PGAP1: variants seen among roughly 807,000 people sequenced by gnomAD.
PGAP1 encodes GPI inositol-deacylase.
PGAP1 carries 76 observed loss-of-function variants against 127.0 expected under a neutral mutation model. The observed-to-expected ratio is 0.60, with a 90% confidence interval of 0.50 to 0.72. PGAP1 has a LOEUF of 0.72. Among genes scored for constraint, PGAP1 ranks in the 30% least tolerant of loss-of-function variants. PGAP1 has a pLI of 0.00. For synonymous variants in PGAP1, 362 were observed against 366.5 expected, an observed-to-expected ratio of 0.99 and a Z score of 0.14; for missense variants, 982 against 1,071.3, an observed-to-expected ratio of 0.92 and a Z score of 1.16.
chr2:196,843,896 CT>C lies in PGAP1; in HGVS notation c.2516del (p.Lys839ArgfsTer36). The C allele has an allele frequency of 6.6e-7, 1 of 1,518,078 alleles. No homozygotes were observed. Among genetic ancestry groups the C allele is most frequent in the Non-Finnish European group, 8.9e-7 (1 of 1,123,032 alleles). 94.0% of individuals were successfully genotyped at this position (1,518,078 alleles called of 1,614,324 possible). On this transcript the variant is annotated frameshift_variant, in exon 25 of 27. Transcript: ENST00000354764. LOFTEE classifies it high-confidence loss of function. ...ATATCAATAAAACGCACCTAAGATTCTTTAGCCAATAAATTAGAGAAGGCAT... is the reference window on the plus strand; with the variant it reads ...ATATCAATAAAACGCACCTAAGATTCTTAGCCAATAAATTAGAGAAGGCAT... ...LSMPSLIYWL[K>X]NLRYYFKLNP...
chr2:196,854,089 G>A (rs1700800167), intron 20 of PGAP1, among the ~76,000 whole-genome samples: 1 of 151,568 alleles, frequency 6.6e-6, no homozygotes, highest in South Asian at 2.1e-4. Context: ...TACAGAGAGG[G>A]TTTCACCATG....
At chr2:196,852,835 G>A (rs1046040413) in intron 20 of PGAP1, among the ~76,000 whole-genome samples, 1 of 152,058 alleles carries the variant, frequency 6.6e-6, no homozygotes, top group Non-Finnish European at 1.5e-5. Flanking sequence ...TAAGAAATAG[G>A]AAATACTTGG....
chr2:196,869,439 A>G (rs1478920790), intron 19 of PGAP1, among the ~76,000 whole-genome samples: 1 of 151,956 alleles, frequency 6.6e-6, no homozygotes, highest in Non-Finnish European at 1.5e-5. Context: ...GGTTCACGCC[A>G]TTCTCCTGCC....
In PGAP1 at chr2:196,837,715, C is replaced by T. The variant is rs1160046499; in HGVS notation, c.*3519G>A. ...TGTGAATTTTGGAAATGAGTAGTATCACATGAATGACAAGACAACCAACAA... is the reference window on the plus strand; with the variant it reads ...TGTGAATTTTGGAAATGAGTAGTATTACATGAATGACAAGACAACCAACAA... On this transcript the variant is annotated 3_prime_UTR_variant, in exon 27 of 27. Coordinates refer to ENST00000354764, the MANE Select transcript of PGAP1 (RefSeq NM_024989.4). 1 of 152,136 alleles carries T rather than the reference C, an allele frequency of 6.6e-6. No homozygotes were observed. Among genetic ancestry groups the T allele is most frequent in the Non-Finnish European group, 1.5e-5 (1 of 68,024 alleles). 9.4% of individuals were successfully genotyped at this position (152,136 alleles called of 1,614,324 possible). A position where few individuals can be genotyped will look rare whatever the true frequency, so the allele number is the denominator to read the frequency against.
chr2:196,849,831 G>A (rs560438836), intron 20 of PGAP1, among the ~76,000 whole-genome samples: 16 of 152,140 alleles, frequency 1.1e-4, no homozygotes, highest in African/African-American at 3.4e-4. Flanking sequence ...CAAGCCCAAC[G>A]AAACAAAGTT....
chr2:196,914,597 G>T (rs940356722), intron 3 of PGAP1, among the ~76,000 whole-genome samples: 3 of 150,188 alleles, frequency 2.0e-5, no homozygotes, highest in Non-Finnish European at 3.0e-5. Context: ...CTCCAGCCTG[G>T]TGACAGAGTG....
chr2:196,852,752 A>G (rs961401771), intron 20 of PGAP1, among the ~76,000 whole-genome samples: 4 of 152,156 alleles, frequency 2.6e-5, no homozygotes, highest in Non-Finnish European at 4.4e-5. Flanking sequence ...AAGGTTAAAA[A>G]CAAAACAGAA....
chr2:196,873,351 G>A (rs1701464374), intron 16 of PGAP1, among the ~76,000 whole-genome samples, 177 bp downstream of exon 16: 1 of 151,950 alleles, frequency 6.6e-6, no homozygotes, highest in Non-Finnish European at 1.5e-5. Context: ...ATGCTTTACT[G>A]TTAAGAAAGG....
chr2:196,918,290 A>G (rs1703079401), intron 2 of PGAP1, among the ~76,000 whole-genome samples: 1 of 152,196 alleles, frequency 6.6e-6, no homozygotes, highest in East Asian at 1.9e-4. Context: ...CACAATCAGT[A>G]AAGATTAAAA....
At chr2:196,885,779 G>C in intron 11 of PGAP1, 55 bp downstream of exon 11, 1 of 1,095,354 alleles carries the variant, frequency 9.1e-7, no homozygotes. Flanking sequence ...CTAAAAGTGT[G>C]GTTTCCGAGT....
At chr2:196,859,900 A>T (rs1576110284) in intron 20 of PGAP1, among the ~76,000 whole-genome samples, 1 of 152,284 alleles carries the variant, frequency 6.6e-6, no homozygotes, top group East Asian at 1.9e-4. Flanking sequence ...CACAGCTAAC[A>T]TTATACAAAA....
intron 12 of PGAP1, among the ~76,000 whole-genome samples, chr2:196,884,199 T>C (rs1253963216): frequency 6.6e-6 from 1 of 152,172 alleles, no homozygotes; most frequent in Non-Finnish European, 1.5e-5. Context: ...CAAATTAATC[T>C]ATACAATTCA....
At chr2:196,897,650 C>T (rs1018787765) in intron 6 of PGAP1, among the ~76,000 whole-genome samples, 6 of 152,176 alleles carry the variant, frequency 3.9e-5, no homozygotes, top group Non-Finnish European at 7.4e-5. Flanking sequence ...TTTCCATGTG[C>T]TGCTCCCTAG....
chr2:196,863,821 C>T (rs907877368), intron 20 of PGAP1, among the ~76,000 whole-genome samples: 5 of 152,044 alleles, frequency 3.3e-5, no homozygotes, highest in East Asian at 2.0e-4. Flanking sequence ...TCAGGTGATC[C>T]GCCCGCCTCG....
chr2:196,885,925 AAAT>A (rs758061838), intron 10 of PGAP1, 45 bp from the exon 11 acceptor site: 2 of 1,276,802 alleles, frequency 1.6e-6, no homozygotes, highest in Admixed American at 6.1e-5. Flanking sequence ...GTATTGTAGA[AAAT>A]AATTATACAA....
At position 196,841,298 on chromosome 2, in the gene PGAP1, A is replaced by G. The variant is rs1373391587; in HGVS notation, c.2705T>C (p.Leu902Ser). The G allele has an allele frequency of 6.2e-7, 1 of 1,613,982 alleles. No individual in the cohort carries two copies. The highest frequency in any genetic ancestry group is 8.5e-7 in the Non-Finnish European group (1 of 1,179,892). ...GAAGACAAAGCATGGAAGCCTATAT[A>G]AATGTGCTGACCCAAAAGCAATCAC... ...VGVIAFGSAH[L>S]YRLPCFVFIP... Residue 902 changes from leucine (L) to serine (S), a missense_variant, in exon 27 of 27, where the codon TTA (leucine) becomes TCA (serine). Transcript: ENST00000354764.
chr2:196,874,974 C>T (rs1206772098), intron 14 of PGAP1, among the ~76,000 whole-genome samples: 1 of 152,170 alleles, frequency 6.6e-6, no homozygotes, highest in African/African-American at 2.4e-5. Context: ...TGGGATCATG[C>T]CACTGTACTC....
chr2:196,923,415 C>G (rs1027090468), intron 1 of PGAP1, among the ~76,000 whole-genome samples: 1 of 152,096 alleles, frequency 6.6e-6, no homozygotes, highest in Non-Finnish European at 1.5e-5. Context: ...ATGAAAAGCT[C>G]TGTACATACT....
At chr2:196,894,472 C>T (rs1229474677) in intron 7 of PGAP1, among the ~76,000 whole-genome samples, 1 of 152,174 alleles carries the variant, frequency 6.6e-6, no homozygotes, top group African/African-American at 2.4e-5. Flanking sequence ...TAAGGGGCCA[C>T]ATCTGTTTGC....
Sources: gnomAD v4.1 joint callset for allele counts (sites outside exome capture counted in the v4.1 genomes callset) on GRCh38, gnomAD v4.1.1 for gene constraint, MANE v1.5 for transcripts, NCBI Gene and HGNC (gene_info 2026-07-23, HGNC 2026-07-21) for gene names.